Variants in WWOX observed in about 807,000 individuals in gnomAD.
WWOX encodes the protein WW domain containing oxidoreductase, also known as WW domain-containing oxidoreductase.
Under a neutral mutation model 46.2 loss-of-function variants are expected in WWOX, and 69 were observed. The ratio of observed to expected loss-of-function variants is 1.49; its 90% confidence interval spans 1.23 to 1.82. The LOEUF is 1.82. Among genes scored for constraint, WWOX ranks in the 40% most tolerant of loss-of-function variants. WWOX has a pLI of 0.00. For missense variants in WWOX, 919 were observed against 542.6 expected, an observed-to-expected ratio of 1.69 and a Z score of -6.89; for synonymous variants, 359 against 202.6, an observed-to-expected ratio of 1.77 and a Z score of -6.56.
intron 8 of WWOX, among the ~76,000 whole-genome samples, chr16:78,703,238 C>G (rs1396238335): frequency 2.0e-5 from 3 of 152,092 alleles, no homozygotes; most frequent in South Asian, 2.1e-4. Context: ...TCATAACTAC[C>G]CACATTCACC....
chr16:78,496,143 G>C (rs1291561191), intron 8 of WWOX: 4 of 152,118 alleles, frequency 2.6e-5, no homozygotes, highest in Non-Finnish European at 5.9e-5. Context: ...ACACCACCTT[G>C]TTTTGTTCAG....
intron 8 of WWOX, among the ~76,000 whole-genome samples, chr16:78,958,044 A>G (rs971453702): frequency 1.3e-5 from 2 of 152,190 alleles, no homozygotes; most frequent in Non-Finnish European, 2.9e-5. Context: ...GGCGCGTGGT[A>G]TGCCTGCCTC....
intron 5 of WWOX, among the ~76,000 whole-genome samples, chr16:78,171,416 C>A (rs2035156703): frequency 6.6e-6 from 1 of 152,078 alleles, no homozygotes; most frequent in African/African-American, 2.4e-5. Context: ...AAGCTTAAGT[C>A]CCATGATTTG....
intron 8 of WWOX, chr16:78,525,344 C>T (rs1032845229): frequency 6.6e-6 from 1 of 151,916 alleles, no homozygotes; most frequent in African/African-American, 2.4e-5. Flanking sequence ...AGCCACCACG[C>T]CCGGCTAATT....
At chr16:78,862,365 T>C (rs1323554506) in intron 8 of WWOX, among the ~76,000 whole-genome samples, 6 of 151,236 alleles carry the variant, frequency 4.0e-5, no homozygotes, top group African/African-American at 1.5e-4. Context: ...ATATAAACAC[T>C]ATAGTATATA....
At chr16:79,040,275 A>ATTTTTT (rs35194921) in intron 8 of WWOX, among the ~76,000 whole-genome samples, 1 of 139,242 alleles carries the variant, frequency 7.2e-6, no homozygotes, top group African/African-American at 2.7e-5. Flanking sequence ...TTCTGAGTTG[A>ATTTTTT]TTTTTTTTTT....
intron 8 of WWOX, among the ~76,000 whole-genome samples, chr16:79,072,390 T>C (rs1173049189): frequency 6.6e-6 from 1 of 152,084 alleles, no homozygotes; most frequent in Non-Finnish European, 1.5e-5. Context: ...CCCATAGGCA[T>C]GAGACCTCCA....
chr16:79,028,874 A>C (rs1274399800), intron 8 of WWOX, among the ~76,000 whole-genome samples: 1 of 148,044 alleles, frequency 6.8e-6, no homozygotes, highest in African/African-American at 2.5e-5. Flanking sequence ...GGAAGAGATC[A>C]CTTCACAGTT....
At chr16:78,568,843 A>T (rs1567650756) in intron 8 of WWOX, among the ~76,000 whole-genome samples, 1 of 152,196 alleles carries the variant, frequency 6.6e-6, no homozygotes, top group African/African-American at 2.4e-5. Context: ...GTGTGCAAGT[A>T]AGTTTGTTTT....
chr16:78,870,706 A>G (rs1046354661), intron 8 of WWOX, among the ~76,000 whole-genome samples: 4 of 152,084 alleles, frequency 2.6e-5, no homozygotes, highest in South Asian at 4.2e-4. Flanking sequence ...GGTTCAAGCA[A>G]TTCTCCTGCC....
chr16:79,023,792 C>CA (rs71674970), intron 8 of WWOX, among the ~76,000 whole-genome samples: 89,170 of 141,108 alleles, frequency 0.63, 28,541 homozygotes, highest in African/African-American at 0.75. Flanking sequence ...ACTAAAAATA[C>CA]AAAAAAAAAA....
chr16:78,912,035 G>T lies in WWOX; in HGVS notation c.1057-299573G>T, dbSNP rs142861228. ...GTAGTCCAGTATATTGGCCTCCAGGGCAAAGCTACCTAGGTTCTGAGTCCA... is the reference window on the plus strand; with the variant it reads ...GTAGTCCAGTATATTGGCCTCCAGGTCAAAGCTACCTAGGTTCTGAGTCCA... On this transcript the variant is annotated intron_variant, in intron 8 of 8. Transcript: ENST00000566780. Among the ~76,000 whole-genome samples the T allele has an allele frequency of 2.6e-5, 4 of 152,124 alleles. No individual in the cohort carries two copies. In the East Asian group the frequency reaches 7.7e-4, roughly 29 times the overall value.
intron 8 of WWOX, among the ~76,000 whole-genome samples, chr16:79,181,573 G>A (rs941835451): frequency 2.6e-5 from 4 of 151,230 alleles, no homozygotes; most frequent in African/African-American, 7.3e-5. Flanking sequence ...TTTTTTAATT[G>A]GCTGGAAGCA....
At chr16:78,617,669 G>A (rs562409101) in intron 8 of WWOX, among the ~76,000 whole-genome samples, 11 of 152,166 alleles carry the variant, frequency 7.2e-5, no homozygotes, top group African/African-American at 2.4e-4. Flanking sequence ...CTTGCATGGC[G>A]CTCAGGTATT....
At chr16:78,939,502 T>C (rs1297791502) in intron 8 of WWOX, among the ~76,000 whole-genome samples, 1 of 152,224 alleles carries the variant, frequency 6.6e-6, no homozygotes, top group Non-Finnish European at 1.5e-5. Context: ...AAAGTTTGTT[T>C]CAAGTCTAGT....
intron 8 of WWOX, among the ~76,000 whole-genome samples, chr16:78,933,177 G>A (rs371445153): frequency 9.9e-5 from 15 of 152,278 alleles, no homozygotes; most frequent in East Asian, 7.7e-4. Flanking sequence ...GGTGGCTCAC[G>A]CCTGTAATCC....
chr16:78,229,845 TATTTCTTTTC>T (rs2037194550), intron 5 of WWOX, among the ~76,000 whole-genome samples: 1 of 152,104 alleles, frequency 6.6e-6, no homozygotes, highest in African/African-American at 2.4e-5. Context: ...ATATCTCAGC[TATTTCTTTTC>T]ATTTCTTGTG....
chr16:78,124,981 A>C (rs1034375914), intron 4 of WWOX, among the ~76,000 whole-genome samples: 1 of 152,170 alleles, frequency 6.6e-6, no homozygotes, highest in African/African-American at 2.4e-5. Context: ...CTTTTGTATG[A>C]AGTTTATTTC....
chr16:79,145,818 T>C (rs1199611958), intron 8 of WWOX, among the ~76,000 whole-genome samples: 2 of 152,096 alleles, frequency 1.3e-5, no homozygotes, highest in Admixed American at 6.6e-5. Flanking sequence ...AAGATGGAGA[T>C]AGAAAAAAAC....
Sources: allele counts gnomAD v4.1 joint callset (sites outside exome capture counted in the v4.1 genomes callset), GRCh38; gene constraint gnomAD v4.1.1; transcripts MANE v1.5; gene names NCBI Gene and HGNC (gene_info 2026-07-23, HGNC 2026-07-21).